Variants in SYN3 observed in about 807,000 individuals in gnomAD.
SYN3 encodes the protein synapsin-3.
A neutral mutation model predicts 65.8 loss-of-function variants in SYN3; 35 were observed. That is an observed-to-expected ratio of 0.53 (90% CI 0.41 to 0.70). The LOEUF (loss-of-function observed/expected upper bound fraction) is 0.70, where lower values mean the gene tolerates loss of function less well. Among genes scored for constraint, SYN3 ranks in the 30% least tolerant of loss-of-function variants. The probability of loss-of-function intolerance (pLI) is 0.00; values close to 1 mark genes in which losing one functional copy is unlikely to be tolerated. For synonymous variants in SYN3, 270 were observed against 292.9 expected (o/e 0.92, Z 0.80); for missense variants, 680 against 749.0 (o/e 0.91, Z 1.08).
intron 1 of SYN3, among the ~76,000 whole-genome samples, chr22:33,039,865 CA>C (rs1396631390): frequency 2.6e-5 from 4 of 152,078 alleles, no homozygotes; most frequent in Non-Finnish European, 5.9e-5. Flanking sequence ...TAAACAAAGA[CA>C]GGGATTTTTG....
chr22:32,912,613 C>T (rs1409435542), intron 4 of SYN3, among the ~76,000 whole-genome samples: 2 of 151,820 alleles, frequency 1.3e-5, no homozygotes, highest in Non-Finnish European at 2.9e-5. Flanking sequence ...CCTAGCTACT[C>T]GGGAGGCTGA....
At chr22:32,751,597 C>G (rs1246000381) in intron 6 of SYN3, among the ~76,000 whole-genome samples, 1 of 152,120 alleles carries the variant, frequency 6.6e-6, no homozygotes, top group East Asian at 1.9e-4. Flanking sequence ...CTGGTGGTGA[C>G]CTTGGCAGAG....
chr22:32,766,725 C>T lies in SYN3; in HGVS notation c.711+98190G>A, dbSNP rs147172139. Among the ~76,000 whole-genome samples the T allele has an allele frequency of 8.3e-3, 1,259 of 152,194 alleles. 20 individuals are homozygous for T. The highest frequency in any genetic ancestry group is 0.029 in the African/African-American group (1,191 of 41,514). On this transcript the variant is annotated intron_variant, in intron 6 of 13. Transcript: ENST00000358763. ...CCCCCAGGTACCCAGTCTAGGATTC[C>T]CAGATATGCTCCAATTCATCCTTCC...
intron 4 of SYN3, among the ~76,000 whole-genome samples, chr22:32,869,919 G>A (rs1275051315): frequency 2.0e-5 from 3 of 152,056 alleles, no homozygotes; most frequent in Non-Finnish European, 4.4e-5. Context: ...AAGCTCAGAA[G>A]CAGGAGAGCC....
intron 6 of SYN3, among the ~76,000 whole-genome samples, chr22:32,846,258 A>G (rs1233667472): frequency 6.6e-6 from 1 of 152,128 alleles, no homozygotes; most frequent in Non-Finnish European, 1.5e-5. Flanking sequence ...CCTGATCCCA[A>G]AATACCTCCT....
At chr22:32,739,142 G>A (rs762672872) in intron 6 of SYN3, among the ~76,000 whole-genome samples, 2 of 151,114 alleles carry the variant, frequency 1.3e-5, no homozygotes, top group Non-Finnish European at 2.9e-5. Flanking sequence ...CATGTGTTGT[G>A]GAAGAGACCT....
At chr22:32,910,127 T>C (rs1002480752) in intron 4 of SYN3, among the ~76,000 whole-genome samples, 1 of 151,980 alleles carries the variant, frequency 6.6e-6, no homozygotes, top group African/African-American at 2.4e-5. Context: ...TGTGTGTCAC[T>C]GAGCACGCTA....
intron 4 of SYN3, among the ~76,000 whole-genome samples, chr22:32,876,017 C>A (rs1375936117): frequency 6.6e-6 from 1 of 152,212 alleles, no homozygotes; most frequent in African/African-American, 2.4e-5. Context: ...CCATTCCCCA[C>A]TTCCTAAAAC....
chr22:32,858,202 C>T, intron 6 of SYN3: 1 of 1,600,412 alleles, frequency 6.2e-7, no homozygotes, highest in South Asian at 1.1e-5. Flanking sequence ...GAAACATCAG[C>T]TCCCAATGCA....
At chr22:32,818,709 A>G (rs114961939) in intron 6 of SYN3, among the ~76,000 whole-genome samples, 1,701 of 152,272 alleles carry the variant, frequency 0.011, 33 homozygotes, top group African/African-American at 0.038. Context: ...AACTGCAGTC[A>G]GAAAAGCTGA....
intron 6 of SYN3, among the ~76,000 whole-genome samples, chr22:32,710,675 A>G (rs2060951423): frequency 6.7e-6 from 1 of 148,828 alleles, no homozygotes; most frequent in South Asian, 2.1e-4. Context: ...AAGAAAGTGT[A>G]GCACTTCCTC....
chr22:33,020,695 G>A (rs1278517248), intron 1 of SYN3, among the ~76,000 whole-genome samples: 1 of 152,120 alleles, frequency 6.6e-6, no homozygotes. Flanking sequence ...CTATATAAAA[G>A]GGACTCTTCA....
chr22:32,892,407 G>A (rs1235482945), intron 4 of SYN3, among the ~76,000 whole-genome samples: 1 of 152,236 alleles, frequency 6.6e-6, no homozygotes, highest in Non-Finnish European at 1.5e-5. Flanking sequence ...TGAGGATACA[G>A]AGGTTAATGG....
chr22:32,681,613 C>T (rs944139072), intron 6 of SYN3, among the ~76,000 whole-genome samples: 1 of 152,206 alleles, frequency 6.6e-6, no homozygotes, highest in African/African-American at 2.4e-5. Flanking sequence ...GTGCTTTCTC[C>T]ACCCTATTTG....
At chr22:32,812,118 C>G (rs1171955013) in intron 6 of SYN3, among the ~76,000 whole-genome samples, 2 of 152,168 alleles carry the variant, frequency 1.3e-5, no homozygotes, top group African/African-American at 4.8e-5. Flanking sequence ...ATCTGTAAAA[C>G]AGCAGGATAT....
rs1357048823 is a variant in SYN3, at chr22:32,816,449, A to G, written c.711+48466T>C. On this transcript the variant is annotated intron_variant, in intron 6 of 13. Transcript: ENST00000358763. The stretch of plus-strand genomic sequence containing the variant: ...AAAAAGAACTTTGGACTGAGGTTAT[A>G]TGAGTCTTCCTGCAGGCTGGAGACC... Among the ~76,000 whole-genome samples the G allele has an allele frequency of 1.1e-4, 17 of 152,212 alleles. No homozygotes were observed. The East Asian group carries it at 3.3e-3, about 29-fold the overall frequency.
intron 4 of SYN3, among the ~76,000 whole-genome samples, chr22:32,910,920 GAAGT>G (rs2050035693): frequency 6.6e-6 from 1 of 152,192 alleles, no homozygotes; most frequent in African/African-American, 2.4e-5. Context: ...GCTCAGAGGT[GAAGT>G]GAGTGACCTT....
intron 6 of SYN3, among the ~76,000 whole-genome samples, chr22:32,800,137 G>C (rs1265026925): frequency 2.0e-5 from 3 of 152,228 alleles, no homozygotes; most frequent in Admixed American, 6.5e-5. Context: ...GGCCTCTGCT[G>C]TCCCAATGTC....
At chr22:32,658,066 C>T (rs911634606) in intron 6 of SYN3, among the ~76,000 whole-genome samples, 10 of 152,112 alleles carry the variant, frequency 6.6e-5, no homozygotes, top group South Asian at 4.1e-4. Flanking sequence ...GATTTGAGGA[C>T]GTTAAAGCAT....
Sources: allele counts gnomAD v4.1 joint callset (sites outside exome capture counted in the v4.1 genomes callset), GRCh38; gene constraint gnomAD v4.1.1; transcripts MANE v1.5; gene names NCBI Gene and HGNC (gene_info 2026-07-23, HGNC 2026-07-21).